Variants in SLC10A7 observed in about 807,000 individuals in gnomAD.
SLC10A7 encodes the protein solute carrier family 10 member 7, also known as sodium/bile acid cotransporter 7.
Under a neutral mutation model 43.2 loss-of-function variants are expected in SLC10A7, and 29 were observed. The ratio of observed to expected loss-of-function variants is 0.67; its 90% CI spans 0.50 to 0.92. SLC10A7 has a LOEUF of 0.92. Ranked by LOEUF, SLC10A7 falls within the 40% of genes least tolerant of loss-of-function variation. The probability of loss-of-function intolerance (pLI) is 0.00; values close to 1 mark genes in which losing one functional copy is unlikely to be tolerated. For missense variants in SLC10A7, 295 were observed against 403.2 expected (o/e 0.73, Z 2.30); for synonymous variants, 152 against 144.8 (o/e 1.05, Z -0.35).
At chr4:146,431,838 A>G (rs1469218820) in intron 5 of SLC10A7, among the ~76,000 whole-genome samples, 1 of 152,172 alleles carries the variant, frequency 6.6e-6, no homozygotes, top group Non-Finnish European at 1.5e-5. Flanking sequence ...ATTACTGTTA[A>G]GAAAATGAAA....
intron 5 of SLC10A7, among the ~76,000 whole-genome samples, chr4:146,428,764 C>G (rs1301263463): frequency 6.6e-6 from 1 of 151,996 alleles, no homozygotes; most frequent in African/African-American, 2.4e-5. Flanking sequence ...AAAAAATAAA[C>G]TTTAATTTAA....
intron 5 of SLC10A7, among the ~76,000 whole-genome samples, chr4:146,397,398 A>G (rs893924378): frequency 2.6e-5 from 4 of 152,196 alleles, no homozygotes; most frequent in Non-Finnish European, 5.9e-5. Context: ...ATTTCAGGAT[A>G]AAATAGTTCT....
chr4:146,370,891 A>G (rs1488568826), intron 5 of SLC10A7, among the ~76,000 whole-genome samples: 1 of 152,172 alleles, frequency 6.6e-6, no homozygotes, highest in Non-Finnish European at 1.5e-5. Flanking sequence ...TTTCCTGATG[A>G]CTTGAGATAT....
chr4:146,397,040 T>G (rs1346640697), intron 5 of SLC10A7, among the ~76,000 whole-genome samples: 2 of 152,196 alleles, frequency 1.3e-5, no homozygotes, highest in Non-Finnish European at 2.9e-5. Flanking sequence ...TTGATTTCTT[T>G]TCTAAAACCA....
At position 146,517,073 on chromosome 4, in the gene SLC10A7, T is replaced by C. The variant is rs1008570159; in HGVS notation, c.148A>G (p.Ile50Val). 1 of 1,610,984 alleles carries C rather than the reference T, an allele frequency of 6.2e-7. No individual in the cohort carries two copies. The highest frequency in any genetic ancestry group is 8.5e-7 in the Non-Finnish European group (1 of 1,177,822). The change falls in exon 2 of 12, where the codon ATA (isoleucine) becomes GTA (valine). Residue 50 changes from isoleucine to valine, a missense_variant. Ile to Val is a conservative substitution (Grantham distance 29, BLOSUM62 3). This residue lies in a region of SLC10A7 where 242 missense variants were observed against 362.5 expected (regional missense o/e 0.67). Coordinates refer to ENST00000335472, the MANE Select transcript of SLC10A7 (RefSeq NM_001029998.6). Reference protein sequence around the residue: ...ITVSYIAVATIFFNSGLSLKT... With the variant: ...ITVSYIAVATVFFNSGLSLKT... ...AATGATAGTCCACTGTTAAAGAATA[T>C]TGTTGCAACAGCAATGTAGGATACA...
At chr4:146,307,771 C>T (rs189474987) in intron 6 of SLC10A7, among the ~76,000 whole-genome samples, 1 of 152,252 alleles carries the variant, frequency 6.6e-6, no homozygotes, top group East Asian at 1.9e-4. Flanking sequence ...CCTGAAATCA[C>T]TTCAGTGATC....
chr4:146,438,073 G>A (rs1374085284), intron 5 of SLC10A7, among the ~76,000 whole-genome samples: 1 of 152,000 alleles, frequency 6.6e-6, no homozygotes, highest in African/African-American at 2.4e-5. Flanking sequence ...ATTAAAACAT[G>A]GCACTTGTGT....
chr4:146,385,436 G>A (rs1737923013), intron 5 of SLC10A7, among the ~76,000 whole-genome samples: 1 of 152,000 alleles, frequency 6.6e-6, no homozygotes, highest in African/African-American at 2.4e-5. Flanking sequence ...CTCTTAAGAG[G>A]TTCAGCATAT....
intron 7 of SLC10A7, among the ~76,000 whole-genome samples, chr4:146,304,489 G>T (rs1731401675): frequency 6.6e-6 from 1 of 152,080 alleles, no homozygotes; most frequent in Non-Finnish European, 1.5e-5. Context: ...CTTTATTTCT[G>T]CCTTCATTTC....
At chr4:146,480,272 A>C (rs1435172694) in intron 4 of SLC10A7, among the ~76,000 whole-genome samples, 1 of 152,094 alleles carries the variant, frequency 6.6e-6, no homozygotes, top group South Asian at 2.1e-4. Flanking sequence ...TGTAGTTCCA[A>C]TGTTAAATGT....
chr4:146,378,626 A>G (rs1178883158), intron 5 of SLC10A7, among the ~76,000 whole-genome samples: 1 of 152,202 alleles, frequency 6.6e-6, no homozygotes, highest in Admixed American at 6.5e-5. Context: ...CGACATGTCT[A>G]TTTTCTAGTC....
At chr4:146,437,038 C>G (rs1730269819) in intron 5 of SLC10A7, among the ~76,000 whole-genome samples, 1 of 152,030 alleles carries the variant, frequency 6.6e-6, no homozygotes, top group Non-Finnish European at 1.5e-5. Flanking sequence ...CCTGTCTTCT[C>G]TCTTTCTTAA....
At chr4:146,336,921 C>A (rs1032721006) in intron 5 of SLC10A7, among the ~76,000 whole-genome samples, 2 of 152,024 alleles carry the variant, frequency 1.3e-5, no homozygotes, top group Non-Finnish European at 2.9e-5. Flanking sequence ...AAACAGCATT[C>A]AAACTCATGA....
chr4:146,376,288 T>C (rs1485606776), intron 5 of SLC10A7, among the ~76,000 whole-genome samples: 3 of 152,174 alleles, frequency 2.0e-5, no homozygotes, highest in Non-Finnish European at 4.4e-5. Context: ...ATCTTATTGA[T>C]ATGGATAGGA....
intron 4 of SLC10A7, among the ~76,000 whole-genome samples, chr4:146,482,299 GGAATTTAAAAATAAT>G (rs1479973284): frequency 6.6e-6 from 1 of 151,824 alleles, no homozygotes; most frequent in Non-Finnish European, 1.5e-5. Flanking sequence ...TATCTGAAGA[GGAATTTAAAAATAAT>G]GATCTTAAGG....
At chr4:146,374,639 C>G (rs967166090) in intron 5 of SLC10A7, among the ~76,000 whole-genome samples, 6 of 141,478 alleles carry the variant, frequency 4.2e-5, no homozygotes, top group African/African-American at 1.6e-4. Context: ...CACACACACA[C>G]ACACACACAC....
chr4:146,371,484 A>C (rs1449552767), intron 5 of SLC10A7, among the ~76,000 whole-genome samples: 5 of 152,224 alleles, frequency 3.3e-5, no homozygotes, highest in Non-Finnish European at 7.3e-5. Flanking sequence ...GTAGGATTTT[A>C]GTAGAGAAGA....
intron 4 of SLC10A7, among the ~76,000 whole-genome samples, chr4:146,501,659 A>G (rs1736432986): frequency 1.3e-5 from 2 of 152,220 alleles, no homozygotes; most frequent in Non-Finnish European, 2.9e-5. Context: ...GACATGTACC[A>G]TGAACAAGAA....
intron 4 of SLC10A7, among the ~76,000 whole-genome samples, chr4:146,498,284 AT>A (rs1253177635): frequency 1.3e-5 from 2 of 151,988 alleles, no homozygotes; most frequent in South Asian, 2.1e-4. Flanking sequence ...AGCCTGGCTA[AT>A]TTTTGTATTT....
Sources: gnomAD v4.1 joint callset for allele counts (sites outside exome capture counted in the v4.1 genomes callset) on GRCh38, gnomAD v4.1.1 for gene constraint, gnomAD v4.1.1 regional missense constraint, MANE v1.5 for transcripts, NCBI Gene and HGNC (gene_info 2026-07-23, HGNC 2026-07-21) for gene names.